Variants in POLA1 observed in about 807,000 individuals in gnomAD.
POLA1 encodes the protein DNA polymerase alpha 1, catalytic subunit, also known as DNA polymerase alpha catalytic subunit.
Under a neutral mutation model 124.0 loss-of-function variants are expected in POLA1, and 15 were observed. That is an observed-to-expected ratio of 0.12 (90% CI 0.08 to 0.19). The LOEUF is 0.19. Ranked by LOEUF, POLA1 falls within the 10% of genes least tolerant of loss-of-function variation. POLA1 has a pLI of 1.00. For missense variants in POLA1, 886 were observed against 1,103.4 expected (o/e 0.80, Z 2.79); for synonymous variants, 408 against 389.4 (o/e 1.05, Z -0.56).
At chrX:24,704,639 T>C (rs1281749270) in intron 4 of POLA1, among the ~76,000 whole-genome samples, 170 bp downstream of exon 4, 1 of 111,902 alleles carries the variant, frequency 8.9e-6, no homozygotes, top group Non-Finnish European at 1.9e-5. Context: ...TTGTGGAAAA[T>C]TAAACATAAA....
chrX:24,865,141 A>G lies in POLA1; in HGVS notation c.4047+21464A>G, dbSNP rs1369595964. Among the ~76,000 whole-genome samples the G allele has an allele frequency of 4.5e-5, 5 of 112,127 alleles. No homozygotes were observed. In the East Asian group the frequency reaches 1.4e-3, roughly 31 times the overall value. ...GCTCTTTTCAGAAAGCCTCCTCCAT[A>G]AAAGAGTGGCAATTTGCTTCCTAAT... is the stretch of plus-strand genomic sequence containing the variant. On this transcript the variant is annotated intron_variant, in intron 34 of 36. Coordinates refer to ENST00000379068, the MANE Select transcript of POLA1 (RefSeq NM_001330360.2).
intron 36 of POLA1, among the ~76,000 whole-genome samples, chrX:24,935,647 T>C (rs908196790): frequency 1.8e-5 from 2 of 112,794 alleles, no homozygotes; most frequent in Non-Finnish European, 3.7e-5. Context: ...TCTTTTTTTT[T>C]CCTTAAACTT....
At chrX:24,984,752 C>T (rs1021084342) in intron 36 of POLA1, among the ~76,000 whole-genome samples, 27 of 105,950 alleles carry the variant, frequency 2.5e-4, no homozygotes, top group Non-Finnish European at 1.4e-4. Context: ...CTCCGCCTCC[C>T]GGGTTCACGC....
chrX:24,961,278 C>T (rs1303409397), intron 36 of POLA1, among the ~76,000 whole-genome samples: 2 of 111,691 alleles, frequency 1.8e-5, no homozygotes, highest in African/African-American at 6.5e-5. Flanking sequence ...CTAGCGCTCT[C>T]CTGCTACCTT....
chrX:24,850,052 C>T (rs1342548864), intron 34 of POLA1, among the ~76,000 whole-genome samples: 2 of 112,272 alleles, frequency 1.8e-5, no homozygotes, highest in Non-Finnish European at 3.8e-5. Flanking sequence ...AGATTACAGG[C>T]GTGAGCCACC....
intron 34 of POLA1, among the ~76,000 whole-genome samples, chrX:24,887,112 C>G (rs946142972): frequency 1.8e-5 from 2 of 112,332 alleles, no homozygotes; most frequent in African/African-American, 6.5e-5. Context: ...GCCCACAGAC[C>G]TTGGTGCCTT....
At chrX:24,750,927 AG>A (rs768927873) in intron 26 of POLA1, among the ~76,000 whole-genome samples, 142 of 111,818 alleles carry the variant, frequency 1.3e-3, no homozygotes, top group African/African-American at 4.5e-3. Flanking sequence ...AGTTGAAGTG[AG>A]GGAAGGGAAG....
chrX:24,899,379 A>G lies in POLA1; in HGVS notation c.4164+11257A>G, dbSNP rs965236118. 3.6e-5 allele frequency among the ~76,000 whole-genome samples: 4 copies of G among 111,802 alleles called. No homozygotes were observed. The Admixed American group carries it at 3.8e-4, about 11-fold the overall frequency. On this transcript the variant is annotated intron_variant, in intron 35 of 36. Transcript: ENST00000379068. ...GTTTCAACAACCCCAAAAAAATTGC[A>G]TTACTGAAATATATTTCATGGGTGC...
chrX:24,724,550 T>G (rs1406005758), intron 12 of POLA1, 99 bp downstream of exon 12: 12 of 458,101 alleles, frequency 2.6e-5, no homozygotes, highest in Non-Finnish European at 4.2e-5. Flanking sequence ...AAATGCCTTC[T>G]GTGCAGCTAT....
chrX:24,728,566 C>T (rs1930690354), intron 15 of POLA1, among the ~76,000 whole-genome samples: 2 of 111,902 alleles, frequency 1.8e-5, no homozygotes, highest in African/African-American at 3.3e-5. Flanking sequence ...GAAGAACTCA[C>T]TCCTACTCTC....
At chrX:24,856,218 C>T (rs182570830) in intron 34 of POLA1, among the ~76,000 whole-genome samples, 1 of 112,175 alleles carries the variant, frequency 8.9e-6, no homozygotes, top group Non-Finnish European at 1.9e-5. Context: ...CTCCTTCCCA[C>T]TCCTAACTCT....
intron 35 of POLA1, among the ~76,000 whole-genome samples, chrX:24,912,315 T>A (rs2047459990): frequency 8.9e-6 from 1 of 112,191 alleles, no homozygotes; most frequent in African/African-American, 3.2e-5. Context: ...AGGCAAAGTG[T>A]TCTTAGACAT....
intron 36 of POLA1, among the ~76,000 whole-genome samples, chrX:24,940,409 C>T (rs769723295): frequency 1.3e-4 from 15 of 111,322 alleles, no homozygotes; most frequent in Non-Finnish European, 2.5e-4. Context: ...ACTAATTGGA[C>T]GTTGGTTGAA....
intron 35 of POLA1, among the ~76,000 whole-genome samples, chrX:24,914,367 C>T (rs758189975): frequency 9.0e-6 from 1 of 111,092 alleles, no homozygotes; most frequent in Admixed American, 9.6e-5. Flanking sequence ...ACACTGAAGA[C>T]AAGGCACACC....
At chrX:24,825,143 AC>A (rs1475876535) in intron 31 of POLA1, among the ~76,000 whole-genome samples, 1 of 112,558 alleles carries the variant, frequency 8.9e-6, no homozygotes, top group Non-Finnish European at 1.9e-5. Flanking sequence ...TATCATCTTA[AC>A]AATTCAAGCT....
chrX:24,894,351 A>G (rs757307397), intron 35 of POLA1, among the ~76,000 whole-genome samples: 3 of 112,226 alleles, frequency 2.7e-5, no homozygotes, highest in South Asian at 7.4e-4. Flanking sequence ...TTTTTTGTAC[A>G]TGCATCTGCT....
chrX:24,807,988 A>G (rs1319830301), intron 26 of POLA1, among the ~76,000 whole-genome samples: 1 of 112,346 alleles, frequency 8.9e-6, no homozygotes, highest in African/African-American at 3.2e-5. Flanking sequence ...ATAACAGGCC[A>G]TACAAGTGGA....
chrX:24,720,712 G>A (rs755879202), intron 10 of POLA1, among the ~76,000 whole-genome samples: 22 of 112,139 alleles, frequency 2.0e-4, no homozygotes, highest in Admixed American at 7.6e-4. Flanking sequence ...TTGAAAATGA[G>A]TTGGTTATTT....
chrX:24,709,227 C>G (rs1191153960), intron 4 of POLA1, among the ~76,000 whole-genome samples: 1 of 100,353 alleles, frequency 1.0e-5, no homozygotes, highest in African/African-American at 4.1e-5. Context: ...GACAGGGCGG[C>G]TGGCCGGGCG....
Sources: gnomAD v4.1 joint callset for allele counts (sites outside exome capture counted in the v4.1 genomes callset) on GRCh38, gnomAD v4.1.1 for gene constraint, MANE v1.5 for transcripts, NCBI Gene and HGNC (gene_info 2026-07-23, HGNC 2026-07-21) for gene names.